The following PKP4 variants were observed in gnomAD, a reference collection of about 807,000 sequenced individuals.
The protein encoded by PKP4 is plakophilin 4, also known as plakophilin-4.
In PKP4, 90 loss-of-function variants were observed where a neutral mutation model predicts 145.1. The ratio of observed to expected loss-of-function variants is 0.62; its 90% confidence interval spans 0.52 to 0.74. PKP4 has a LOEUF of 0.74. Among genes scored for constraint, PKP4 ranks in the 30% least tolerant of loss-of-function variants. The pLI is 0.00. For synonymous variants in PKP4, 563 were observed against 577.2 expected (o/e 0.98, Z 0.35); for missense variants, 1,340 against 1,482.7 (o/e 0.90, Z 1.58).
intron 1 of PKP4, among the ~76,000 whole-genome samples, chr2:158,486,610 A>C (rs980116240): frequency 1.3e-5 from 2 of 152,256 alleles, no homozygotes; most frequent in Non-Finnish European, 2.9e-5. Context: ...CTACATTCCA[A>C]ATACAACTCT....
chr2:158,547,510 A>T (rs77920744), intron 2 of PKP4, among the ~76,000 whole-genome samples: 4,176 of 152,242 alleles, frequency 0.027, 122 homozygotes, highest in East Asian at 0.14. Context: ...GAACAAAGGG[A>T]GGGGCAGTAC....
chr2:158,662,521 T>G, intron 13 of PKP4: 2 of 162,598 alleles, frequency 1.2e-5, no homozygotes, highest in Non-Finnish European at 2.7e-5. Context: ...GGGATATAGT[T>G]GTCCCCAGGG....
intron 11 of PKP4, among the ~76,000 whole-genome samples, chr2:158,646,797 T>C (rs997523179): frequency 6.6e-6 from 1 of 152,234 alleles, no homozygotes; most frequent in Admixed American, 6.5e-5. Context: ...CTGTACAGTT[T>C]CCATACAAAG....
intron 1 of PKP4, among the ~76,000 whole-genome samples, chr2:158,504,065 C>CT (rs1319084365): frequency 6.9e-6 from 1 of 145,036 alleles, no homozygotes; most frequent in Non-Finnish European, 1.5e-5. Context: ...TTTAAAGTTC[C>CT]TTTTTAACTT....
intron 1 of PKP4, among the ~76,000 whole-genome samples, chr2:158,530,504 CT>C (rs869120223): frequency 0.016 from 1,450 of 92,074 alleles, 9 homozygotes; most frequent in Middle Eastern, 0.044. Context: ...CTCTTTCTTT[CT>C]TTTTTTTTTT....
chr2:158,541,835 A>G (rs954687223), intron 2 of PKP4, among the ~76,000 whole-genome samples: 6 of 152,132 alleles, frequency 3.9e-5, no homozygotes, highest in Non-Finnish European at 5.9e-5. Context: ...TAATAGGCAT[A>G]TATCTCATTT....
intron 1 of PKP4, among the ~76,000 whole-genome samples, chr2:158,460,881 A>G (rs1402966607): frequency 6.6e-6 from 1 of 152,222 alleles, no homozygotes; most frequent in Non-Finnish European, 1.5e-5. Context: ...CTGAAACATA[A>G]CACCAGAGGA....
At chr2:158,488,334 A>T (rs1694471610) in intron 1 of PKP4, among the ~76,000 whole-genome samples, 2 of 152,086 alleles carry the variant, frequency 1.3e-5, no homozygotes, top group Admixed American at 1.3e-4. Flanking sequence ...TCTCATCAAC[A>T]CTTTTCCGCA....
chr2:158,532,470 A>G (rs934661353), intron 1 of PKP4, among the ~76,000 whole-genome samples: 10 of 152,218 alleles, frequency 6.6e-5, no homozygotes, highest in Non-Finnish European at 1.5e-4. Flanking sequence ...AGAGAGACTG[A>G]TGTGTAAATG....
chr2:158,671,482 A>T (rs1156469268), intron 17 of PKP4, among the ~76,000 whole-genome samples: 1 of 152,326 alleles, frequency 6.6e-6, no homozygotes, highest in South Asian at 2.1e-4. Context: ...AGAGGCTGAG[A>T]TGCTGAGCCA....
intron 2 of PKP4, among the ~76,000 whole-genome samples, chr2:158,544,822 A>G (rs1255347173): frequency 6.6e-6 from 1 of 152,186 alleles, no homozygotes; most frequent in East Asian, 1.9e-4. Flanking sequence ...CACTGTGTCA[A>G]GAGGGCCCTT....
chr2:158,671,003 C>G (rs970127030), intron 17 of PKP4, among the ~76,000 whole-genome samples: 1 of 152,158 alleles, frequency 6.6e-6, no homozygotes, highest in Non-Finnish European at 1.5e-5. Flanking sequence ...CCCTCTCCCC[C>G]AAACCCCCTG....
intron 1 of PKP4, among the ~76,000 whole-genome samples, chr2:158,528,669 GAAAAA>G (rs59566011): frequency 5.8e-5 from 5 of 86,016 alleles, no homozygotes; most frequent in Non-Finnish European, 1.1e-4. Flanking sequence ...CTTACTAAAT[GAAAAA>G]AAAAAAAAAA....
chr2:158,600,125 CTGTTT>C (rs972067091), intron 3 of PKP4, among the ~76,000 whole-genome samples: 1 of 152,088 alleles, frequency 6.6e-6, no homozygotes, highest in Non-Finnish European at 1.5e-5. Flanking sequence ...TTAAAATGAA[CTGTTT>C]TGTTAATTTG....
intron 1 of PKP4, among the ~76,000 whole-genome samples, chr2:158,463,453 T>C (rs1294990342): frequency 6.8e-6 from 1 of 147,816 alleles, no homozygotes; most frequent in Non-Finnish European, 1.5e-5. Flanking sequence ...AGCAGGAGAC[T>C]CCCAAATCAA....
At position 158,560,406 on chromosome 2, in the gene PKP4, A is replaced by G. The variant is rs181010353; in HGVS notation, c.133-16865A>G. Among the ~76,000 whole-genome samples the G allele has an allele frequency of 6.7e-4, 102 of 152,292 alleles. No homozygotes were observed. The East Asian group carries it at 0.018, about 27-fold the overall frequency. On this transcript the variant is annotated intron_variant, in intron 2 of 21. Coordinates refer to ENST00000389759, the MANE Select transcript of PKP4 (RefSeq NM_003628.6). Reference sequence around the variant, plus strand: ...TAAAAAAAAAATGGATCTTCTGTATATGAAGTTTAAGAGGAAAGAACAAAA... The same window carrying G: ...TAAAAAAAAAATGGATCTTCTGTATGTGAAGTTTAAGAGGAAAGAACAAAA...
intron 19 of PKP4, among the ~76,000 whole-genome samples, chr2:158,675,408 A>G (rs937314881): frequency 2.6e-5 from 4 of 152,120 alleles, no homozygotes; most frequent in Non-Finnish European, 5.9e-5. Flanking sequence ...ATGTGGCCCA[A>G]GGACGCCAAA....
chr2:158,488,059 A>G (rs993669296), intron 1 of PKP4, among the ~76,000 whole-genome samples: 7 of 152,168 alleles, frequency 4.6e-5, no homozygotes, highest in Admixed American at 2.0e-4. Context: ...ATGTTTTTCA[A>G]TCTGTTCCAC....
chr2:158,625,377 A>C lies in PKP4; in HGVS notation c.1103A>C (p.Gln368Pro), dbSNP rs879012055. The change falls in exon 7 of 22, where the codon CAG becomes CCG. Residue 368 changes from glutamine to proline, a missense_variant. By Grantham distance (76) the Gln-to-Pro change is moderately conservative. Transcript: ENST00000389759. Reference protein sequence around the residue: ...VHDMEQFGQQQYDIYERMVPP... With the variant: ...VHDMEQFGQQPYDIYERMVPP... The stretch of plus-strand genomic sequence containing the variant: ...GACATGGAGCAATTCGGACAGCAGC[A>C]GTATGACATTTATGAGAGGATGGTT... The C allele has an allele frequency of 1.1e-5, 18 of 1,614,200 alleles. No individual in the cohort carries two copies. Among genetic ancestry groups the C allele is most frequent in the Non-Finnish European group, 1.4e-5 (17 of 1,180,016 alleles).
Sources: allele counts gnomAD v4.1 joint callset (sites outside exome capture counted in the v4.1 genomes callset), GRCh38; gene constraint gnomAD v4.1.1; transcripts MANE v1.5; gene names NCBI Gene and HGNC (gene_info 2026-07-23, HGNC 2026-07-21).